Variants in FGF14 observed in about 807,000 individuals in gnomAD.
FGF14 encodes fibroblast growth factor 14.
A neutral mutation model predicts 25.5 loss-of-function variants in FGF14; 5 were observed. The observed-to-expected ratio is 0.20, with a 90% CI of 0.10 to 0.41. The LOEUF (loss-of-function observed/expected upper bound fraction) is 0.41. Among genes scored for constraint, FGF14 ranks in the 10% least tolerant of loss-of-function variants. The pLI is 1.00. For missense variants in FGF14, 222 were observed against 320.1 expected (o/e 0.69, Z 2.34); for synonymous variants, 138 against 118.3 (o/e 1.17, Z -1.08).
At chr13:102,161,629 AAGAAGAAG>A (rs2047708256) in intron 1 of FGF14, among the ~76,000 whole-genome samples, 2 of 8,702 alleles carry the variant, frequency 2.3e-4, no homozygotes, top group Non-Finnish European at 1.9e-4. Flanking sequence ...GAAGAAGAAG[AAGAAGAAG>A]AAGAAGAAGA....
chr13:101,751,059 G>A (rs1246327493), intron 3 of FGF14, among the ~76,000 whole-genome samples: 1 of 151,932 alleles, frequency 6.6e-6, no homozygotes. Context: ...GAGGGATGAT[G>A]AGTAAGTGAA....
chr13:102,380,447 C>T (rs2058156099), intron 1 of FGF14, among the ~76,000 whole-genome samples: 1 of 152,130 alleles, frequency 6.6e-6, no homozygotes, highest in South Asian at 2.1e-4. Flanking sequence ...CTCCCAGTTT[C>T]AGGGTTCAAG....
intron 2 of FGF14, 112 bp downstream of exon 2, chr13:101,875,074 G>T: frequency 1.3e-6 from 1 of 771,030 alleles, no homozygotes; most frequent in Non-Finnish European, 2.3e-6. Flanking sequence ...TGTAACATTT[G>T]TAAAGATGAA....
At chr13:102,019,420 C>T (rs1402326022) in intron 1 of FGF14, among the ~76,000 whole-genome samples, 1 of 152,120 alleles carries the variant, frequency 6.6e-6, no homozygotes, top group East Asian at 1.9e-4. Flanking sequence ...GTGCCCCGCT[C>T]GAGAGCATCT....
intron 1 of FGF14, among the ~76,000 whole-genome samples, chr13:101,950,929 T>G (rs2139389317): frequency 6.6e-6 from 1 of 152,206 alleles, no homozygotes; most frequent in South Asian, 2.1e-4. Context: ...AAGAAAAGTG[T>G]TGGAAAGTGC....
intron 3 of FGF14, among the ~76,000 whole-genome samples, chr13:101,857,887 G>GA (rs1488580690): frequency 4.0e-5 from 6 of 151,498 alleles, no homozygotes; most frequent in Admixed American, 2.0e-4. Flanking sequence ...ACATAAAAAA[G>GA]AAAAAACAAT....
chr13:102,226,252 T>A (rs1313195001), intron 1 of FGF14, among the ~76,000 whole-genome samples: 1 of 152,186 alleles, frequency 6.6e-6, no homozygotes, highest in Admixed American at 6.6e-5. Flanking sequence ...GGTAGCCATC[T>A]GACTTTTCCA....
intron 1 of FGF14, among the ~76,000 whole-genome samples, chr13:102,158,114 G>A (rs747342338): frequency 2.0e-5 from 3 of 152,170 alleles, no homozygotes; most frequent in Admixed American, 6.5e-5. Context: ...TCAGTGTGGC[G>A]ATTCCTCAGG....
intron 1 of FGF14, among the ~76,000 whole-genome samples, chr13:101,967,255 T>C (rs1156969620): frequency 2.0e-5 from 3 of 152,146 alleles, no homozygotes; most frequent in Non-Finnish European, 4.4e-5. Context: ...GAGGGTGGAG[T>C]GTTCTATTGA....
chr13:102,275,277 T>TCTCTCTCTCTCTCTCTCC (rs2053478264), intron 1 of FGF14, among the ~76,000 whole-genome samples: 1 of 148,820 alleles, frequency 6.7e-6, no homozygotes, highest in African/African-American at 2.5e-5. Context: ...TCTCTCTCTC[T>TCTCTCTCTCTCTCTCTCC]CTCTCTCTCT....
chr13:102,161,617 AAG>A (rs1566764470), intron 1 of FGF14, among the ~76,000 whole-genome samples: 983 of 7,088 alleles, frequency 0.14, 81 homozygotes, highest in Non-Finnish European at 0.15. Flanking sequence ...GAAGAAGAAG[AAG>A]AAGAAGAAGA....
At chr13:102,188,090 G>A (rs892970027) in intron 1 of FGF14, among the ~76,000 whole-genome samples, 3 of 152,110 alleles carry the variant, frequency 2.0e-5, no homozygotes, top group African/African-American at 7.2e-5. Context: ...TACAGCAATT[G>A]TGAAATGCAA....
chr13:101,928,049 G>T (rs1295822677), intron 1 of FGF14, among the ~76,000 whole-genome samples: 1 of 152,160 alleles, frequency 6.6e-6, no homozygotes, highest in Non-Finnish European at 1.5e-5. Context: ...CTCTCTAGAA[G>T]AAGCTACTTT....
At chr13:102,009,336 G>T (rs2039964341) in intron 1 of FGF14, among the ~76,000 whole-genome samples, 1 of 152,064 alleles carries the variant, frequency 6.6e-6, no homozygotes, top group Non-Finnish European at 1.5e-5. Context: ...AATATTTGAT[G>T]GCTAAATAGT....
chr13:101,834,928 A>G (rs2042849368), intron 3 of FGF14, among the ~76,000 whole-genome samples: 1 of 152,096 alleles, frequency 6.6e-6, no homozygotes, highest in Non-Finnish European at 1.5e-5. Flanking sequence ...AATATTACTT[A>G]TATTTACAGG....
Position 101,761,082 on chromosome 13 carries a change from A to G in FGF14, c.409-34272T>C, listed in dbSNP as rs149946334. Among the ~76,000 whole-genome samples the G allele has an allele frequency of 2.1e-3, 316 of 152,342 alleles. 1 individual carries two copies. Among genetic ancestry groups the G allele is most frequent in the African/African-American group, 7.4e-3 (306 of 41,586 alleles). On this transcript the variant is annotated intron_variant, in intron 3 of 4. Transcript: ENST00000376143. ...ATTAATTAGGCACACTTCTTCTCCA[A>G]TTCCATTTACTAACAAAGGTTATAA...
chr13:101,861,648 T>C (rs1303860921), intron 3 of FGF14, among the ~76,000 whole-genome samples: 2 of 151,996 alleles, frequency 1.3e-5, no homozygotes, highest in Non-Finnish European at 2.9e-5. Flanking sequence ...GTGGTTACCA[T>C]GTGGCCACAG....
chr13:102,237,641 A>G (rs4628812), intron 1 of FGF14, among the ~76,000 whole-genome samples: 99,882 of 151,082 alleles, frequency 0.66, 34,183 homozygotes, highest in African/African-American at 0.84. Context: ...AAATTTTTTG[A>G]TATTACCAGA....
intron 1 of FGF14, among the ~76,000 whole-genome samples, chr13:101,977,614 C>G (rs757761651): frequency 6.6e-6 from 1 of 152,088 alleles, no homozygotes; most frequent in Admixed American, 6.5e-5. Context: ...CATCTCTGAG[C>G]TGGACAAGAG....
Sources: allele counts gnomAD v4.1 joint callset (sites outside exome capture counted in the v4.1 genomes callset), GRCh38; gene constraint gnomAD v4.1.1; transcripts MANE v1.5; gene names NCBI Gene and HGNC (gene_info 2026-07-23, HGNC 2026-07-21).